The following MEF2B variants were observed in gnomAD, a reference collection of about 807,000 sequenced individuals.
MEF2B encodes the protein myocyte enhancer factor 2B.
In MEF2B, 15 loss-of-function variants were observed where a neutral mutation model predicts 32.2. The observed-to-expected ratio is 0.47, with a 90% CI of 0.31 to 0.72. MEF2B has a LOEUF of 0.72. MEF2B is among the 30% of genes least tolerant of loss of function. MEF2B has a pLI of 0.05. For synonymous variants in MEF2B, 205 were observed against 225.6 expected (o/e 0.91, Z 0.82); for missense variants, 441 against 511.5 (o/e 0.86, Z 1.33).
chr19:19,145,789 G>A lies in MEF2B; in HGVS notation c.*8C>T. On this transcript the variant is annotated 3_prime_UTR_variant, in exon 9 of 9. Coordinates refer to ENST00000424583, the MANE Select transcript of MEF2B (RefSeq NM_001145785.2). The surrounding 1 kb of genome is among the most constrained non-coding windows in gnomAD (Gnocchi z 4.6). ...GAGCGCTCTGGGCTGGTGCCACCGG[G>A]TGATCTCCTACCGGGGCCAGCCGTC... The A allele has an allele frequency of 6.5e-7, 1 of 1,547,474 alleles. No individual in the cohort carries two copies. Among genetic ancestry groups the A allele is most frequent in the Non-Finnish European group, 8.7e-7 (1 of 1,145,220 alleles).
intron 1 of MEF2B, among the ~76,000 whole-genome samples, chr19:19,169,496 C>T (rs1021538857): frequency 6.6e-6 from 1 of 152,156 alleles, no homozygotes; most frequent in Non-Finnish European, 1.5e-5. Flanking sequence ...AGCCACAGTG[C>T]CCGGCCAGCT....
intron 3 of MEF2B, among the ~76,000 whole-genome samples, chr19:19,148,162 G>C (rs969365932): frequency 6.6e-6 from 1 of 152,242 alleles, no homozygotes; most frequent in African/African-American, 2.4e-5. Context: ...TCATAGCCTG[G>C]CATCAAAAGC....
intron 2 of MEF2B, 76 bp downstream of exon 2, chr19:19,150,606 A>T: frequency 6.3e-7 from 1 of 1,595,140 alleles, no homozygotes; most frequent in Non-Finnish European, 8.6e-7. Context: ...TCAATTGGTC[A>T]GGTCAGTCCC....
In MEF2B at chr19:19,145,679, C is replaced by A. The variant is rs774251653; in HGVS notation, c.*118G>T. Reference sequence around the variant, plus strand: ...CCAGCCGCCCACCTCCAAGCCCCCACCGCGGAGGGGGGCGTCACTGTTGGG... The same window carrying A: ...CCAGCCGCCCACCTCCAAGCCCCCAACGCGGAGGGGGGCGTCACTGTTGGG... On this transcript the variant is annotated 3_prime_UTR_variant, in exon 9 of 9. Coordinates refer to ENST00000424583, the MANE Select transcript of MEF2B (RefSeq NM_001145785.2). This position sits in a 1 kb window ranked among gnomAD's most constrained non-coding sequence, Gnocchi z 4.6. 25 of 1,547,098 alleles carry A rather than the reference C, an allele frequency of 1.6e-5. No individual in the cohort carries two copies. The highest frequency in any genetic ancestry group is 1.7e-4 in the Middle Eastern group (1 of 5,954).
At chr19:19,150,603 G>T in intron 2 of MEF2B, 79 bp downstream of exon 2, 1 of 1,593,730 alleles carries the variant, frequency 6.3e-7, no homozygotes, top group Non-Finnish European at 8.6e-7. Flanking sequence ...AGTTCAATTG[G>T]TCAGGTCAGT....
chr19:19,166,713 T>G (rs889202209), intron 1 of MEF2B, among the ~76,000 whole-genome samples: 1 of 151,352 alleles, frequency 6.6e-6, no homozygotes, highest in Non-Finnish European at 1.5e-5. Flanking sequence ...GAGCCATGAC[T>G]GCAACACTCA....
chr19:19,162,833 A>C (rs2060175508), intron 1 of MEF2B, among the ~76,000 whole-genome samples: 1 of 152,140 alleles, frequency 6.6e-6, no homozygotes, highest in Non-Finnish European at 1.5e-5. Flanking sequence ...TAAACCCGCC[A>C]CTTGCCCACT....
chr19:19,158,473 C>G (rs1356852373), intron 1 of MEF2B, among the ~76,000 whole-genome samples: 2 of 147,388 alleles, frequency 1.4e-5, no homozygotes, highest in Non-Finnish European at 3.0e-5. Context: ...CAAACTAGGG[C>G]CAGGCCAGGC....
At chr19:19,147,478 GAA>G (rs1259549835) in intron 4 of MEF2B, among the ~76,000 whole-genome samples, 2 of 151,888 alleles carry the variant, frequency 1.3e-5, no homozygotes, top group Non-Finnish European at 2.9e-5. Flanking sequence ...AAGATGAAAT[GAA>G]GGAAGGAACT....
intron 1 of MEF2B, among the ~76,000 whole-genome samples, chr19:19,168,053 C>A (rs545038294): frequency 1.3e-5 from 2 of 152,306 alleles, no homozygotes; most frequent in African/African-American, 4.8e-5. Flanking sequence ...AGGGAACAAG[C>A]CTGCCTTTTT....
intron 4 of MEF2B, 137 bp from the exon 5 acceptor site, chr19:19,147,320 T>A: frequency 1.0e-6 from 1 of 976,130 alleles, no homozygotes; most frequent in Middle Eastern, 3.2e-4. Flanking sequence ...CCAGGCTCCC[T>A]ACCTGCTCCT....
chr19:19,146,194 T>G, intron 8 of MEF2B, 79 bp downstream of exon 8: 2 of 842,224 alleles, frequency 2.4e-6, no homozygotes, highest in Non-Finnish European at 3.4e-6. Flanking sequence ...GTGTGCGCAG[T>G]ACCAGGGATG....
intron 1 of MEF2B, among the ~76,000 whole-genome samples, chr19:19,158,384 C>T (rs1374956897): frequency 3.2e-5 from 2 of 62,868 alleles, no homozygotes; most frequent in Admixed American, 3.4e-4. Flanking sequence ...TGGGCGCCCC[C>T]GGCCCAAAAG....
intron 1 of MEF2B, among the ~76,000 whole-genome samples, chr19:19,161,976 G>C (rs1465726587): frequency 6.6e-6 from 1 of 151,606 alleles, no homozygotes; most frequent in Non-Finnish European, 1.5e-5. Flanking sequence ...CCCAGCTAAT[G>C]TTTGTATTTT....
intron 1 of MEF2B, among the ~76,000 whole-genome samples, chr19:19,158,704 G>A (rs1357616006): frequency 2.6e-5 from 4 of 151,472 alleles, no homozygotes; most frequent in African/African-American, 7.3e-5. Context: ...GTTGCAGTGA[G>A]CCAAGATCAC....
At chr19:19,148,657 C>T (rs549264989) in intron 3 of MEF2B, among the ~76,000 whole-genome samples, 170 of 151,984 alleles carry the variant, frequency 1.1e-3, no homozygotes, top group African/African-American at 3.8e-3. Context: ...TTTAGCTTCC[C>T]ATCCCAGTGA....
chr19:19,168,941 C>T (rs1426895142), intron 1 of MEF2B, among the ~76,000 whole-genome samples: 1 of 147,538 alleles, frequency 6.8e-6, no homozygotes, highest in Non-Finnish European at 1.5e-5. Flanking sequence ...CCCAGATACT[C>T]GGGAGGCTGA....
At chr19:19,166,114 G>A (rs749929287) in intron 1 of MEF2B, among the ~76,000 whole-genome samples, 15 of 152,048 alleles carry the variant, frequency 9.9e-5, no homozygotes, top group Non-Finnish European at 1.9e-4. Context: ...ACAGGAGTGG[G>A]CAGGCTTCTT....
chr19:19,146,160 A>G (rs2146349246), intron 8 of MEF2B, 113 bp downstream of exon 8: 1 of 871,872 alleles, frequency 1.1e-6, no homozygotes, highest in East Asian at 3.1e-5. Flanking sequence ...GGGGCCTCAA[A>G]ATAGCTGCCC....
Sources: allele counts gnomAD v4.1 joint callset (sites outside exome capture counted in the v4.1 genomes callset), GRCh38; gene constraint gnomAD v4.1.1; non-coding constraint Gnocchi (gnomAD v3.1); transcripts MANE v1.5; gene names NCBI Gene and HGNC (gene_info 2026-07-23, HGNC 2026-07-21).